Variants in BMERB1 observed in about 807,000 individuals in gnomAD.
BMERB1 encodes bMERB domain containing 1.
A neutral mutation model predicts 23.6 loss-of-function variants in BMERB1; 12 were observed. That is an observed-to-expected ratio of 0.51 (90% confidence interval 0.33 to 0.82). The LOEUF is 0.82. BMERB1 is among the 40% of genes least tolerant of loss of function. The pLI is 0.03. For missense variants in BMERB1, 247 were observed against 255.4 expected, an observed-to-expected ratio of 0.97 and a Z score of 0.22; for synonymous variants, 122 against 96.6, an observed-to-expected ratio of 1.26 and a Z score of -1.54.
At chr16:15,491,199 C>A (rs930571760) in intron 1 of BMERB1, among the ~76,000 whole-genome samples, 5 of 152,038 alleles carry the variant, frequency 3.3e-5, no homozygotes, top group African/African-American at 9.7e-5. Context: ...TCTTTTATTG[C>A]ATTTACTGCA....
rs117468268 is a variant in BMERB1 at position 15,487,961 on chromosome 16, A to G, written c.107-27344A>G. Among the ~76,000 whole-genome samples the G allele has an allele frequency of 4.0e-3, 614 of 152,132 alleles. 18 individuals are homozygous for G. In the East Asian group the frequency reaches 0.08, roughly 20 times the overall value. ...GCTTTTGGCCAGCTTCTTTACCGCAACCTGTTTTATCGGTCAGGTCTTTGT... is the reference window on the plus strand; with the variant it reads ...GCTTTTGGCCAGCTTCTTTACCGCAGCCTGTTTTATCGGTCAGGTCTTTGT... On this transcript the variant is annotated intron_variant, in intron 1 of 5. Coordinates refer to ENST00000300006, the MANE Select transcript of BMERB1 (RefSeq NM_033201.3).
At chr16:15,580,933 G>A (rs2030998285) in intron 3 of BMERB1, among the ~76,000 whole-genome samples, 1 of 149,704 alleles carries the variant, frequency 6.7e-6, no homozygotes, top group African/African-American at 2.5e-5. Context: ...GTCTCATTCT[G>A]TTGCCCAGGC....
At position 15,584,088 on chromosome 16, in the gene BMERB1, A is replaced by G. The variant is rs528648653; in HGVS notation, c.502+850A>G. On this transcript the variant is annotated intron_variant, in intron 5 of 5. Coordinates refer to ENST00000300006, the MANE Select transcript of BMERB1 (RefSeq NM_033201.3). ...ATCCTCAGAGCAAAGAGGGTTTTAT[A>G]TGAAATAAGTTTGAGAAATGCTGTT... 1.6e-4 allele frequency: 110 copies of G among 701,700 alleles called. No homozygotes were observed. In the East Asian group the frequency reaches 2.8e-3, roughly 18 times the overall value. The allele number at this position is 701,700 out of a possible 1,614,324, so 43.5% of individuals were successfully genotyped here.
intron 1 of BMERB1, among the ~76,000 whole-genome samples, chr16:15,495,632 C>T (rs1053808087): frequency 5.3e-5 from 8 of 152,226 alleles, no homozygotes; most frequent in African/African-American, 1.9e-4. Context: ...TCCCGAAGTG[C>T]TGGGATTACA....
At chr16:15,579,365 C>T (rs1420416425) in intron 3 of BMERB1, among the ~76,000 whole-genome samples, 1 of 152,172 alleles carries the variant, frequency 6.6e-6, no homozygotes, top group African/African-American at 2.4e-5. Context: ...GTGACACCAT[C>T]ATCCAATGCA....
At chr16:15,490,286 C>G (rs765478776) in intron 1 of BMERB1, among the ~76,000 whole-genome samples, 4 of 152,276 alleles carry the variant, frequency 2.6e-5, no homozygotes, top group Admixed American at 1.3e-4. Flanking sequence ...CAGGCCTGCA[C>G]TGGCATATGT....
At chr16:15,477,885 A>G (rs1261873368) in intron 1 of BMERB1, among the ~76,000 whole-genome samples, 1 of 151,972 alleles carries the variant, frequency 6.6e-6, no homozygotes, top group Non-Finnish European at 1.5e-5. Context: ...ACCTTTCAGA[A>G]TCTCCTTATG....
In BMERB1 at chr16:15,502,331, G is replaced by A. The variant is rs188565459; in HGVS notation, c.107-12974G>A. The A allele has an allele frequency of 1.0e-3, 1,559 of 1,551,250 alleles. 11 individuals carry two copies. The African/African-American group carries it at 0.018, about 18-fold the overall frequency. ...AGCCGCAAATTCTTCCATGTGGGGC[G>A]ACCTCACAGAGACGGGATGTATGGG... On this transcript the variant is annotated intron_variant, in intron 1 of 5. Transcript: ENST00000300006.
At chr16:15,556,151 C>T (rs948918104) in intron 2 of BMERB1, among the ~76,000 whole-genome samples, 1 of 151,100 alleles carries the variant, frequency 6.6e-6, no homozygotes, top group African/African-American at 2.4e-5. Flanking sequence ...GCACTACAGC[C>T]TGGACGACAA....
At chr16:15,441,017 C>A (rs1418669379) in intron 1 of BMERB1, among the ~76,000 whole-genome samples, 2 of 152,078 alleles carry the variant, frequency 1.3e-5, no homozygotes, top group Non-Finnish European at 2.9e-5. Flanking sequence ...AGGCCTTGTG[C>A]TAGAGGAAGA....
intron 1 of BMERB1, among the ~76,000 whole-genome samples, chr16:15,481,969 G>A (rs1022284756): frequency 2.0e-5 from 3 of 151,720 alleles, no homozygotes; most frequent in African/African-American, 7.3e-5. Context: ...GACCTCAAGT[G>A]ATCTGCCCAC....
chr16:15,461,864 G>A (rs1202273157), intron 1 of BMERB1, among the ~76,000 whole-genome samples: 1 of 152,144 alleles, frequency 6.6e-6, no homozygotes, highest in East Asian at 1.9e-4. Context: ...AGCCCAGGAG[G>A]TTAAGGCTAT....
intron 5 of BMERB1, among the ~76,000 whole-genome samples, chr16:15,584,459 G>C (rs1177628639): frequency 6.6e-6 from 1 of 151,690 alleles, no homozygotes; most frequent in Non-Finnish European, 1.5e-5. Flanking sequence ...TCGGGAAGCT[G>C]AGGCAGGAGA....
chr16:15,444,400 C>G (rs2050972638), intron 1 of BMERB1, among the ~76,000 whole-genome samples: 1 of 151,994 alleles, frequency 6.6e-6, no homozygotes, highest in Non-Finnish European at 1.5e-5. Flanking sequence ...TTCCGTCCTA[C>G]TGTGGTCCAT....
At chr16:15,475,453 C>T (rs749227902) in intron 1 of BMERB1, among the ~76,000 whole-genome samples, 4 of 152,182 alleles carry the variant, frequency 2.6e-5, no homozygotes, top group Admixed American at 6.5e-5. Context: ...CTCACAGTTA[C>T]AGTTTATTAC....
intron 3 of BMERB1, among the ~76,000 whole-genome samples, chr16:15,573,823 C>G (rs1434041568): frequency 6.7e-6 from 1 of 148,990 alleles, no homozygotes; most frequent in Non-Finnish European, 1.5e-5. Flanking sequence ...TTCGGCATAG[C>G]TGGGGAAGCC....
At chr16:15,534,597 T>C (rs889759978) in intron 2 of BMERB1, among the ~76,000 whole-genome samples, 2 of 152,252 alleles carry the variant, frequency 1.3e-5, no homozygotes, top group African/African-American at 2.4e-5. Flanking sequence ...GTGGTATCCA[T>C]ATGGCCATAA....
At chr16:15,570,260 C>T (rs9926521) in intron 3 of BMERB1, among the ~76,000 whole-genome samples, 13,451 of 152,178 alleles carry the variant, frequency 0.088, 1,962 homozygotes, top group African/African-American at 0.3. Flanking sequence ...AACGGTTCTC[C>T]ACTCTCAAGG....
At chr16:15,559,565 GTCTAGAAGAGTTTATGCACAGA>G (rs1332155459) in intron 2 of BMERB1, among the ~76,000 whole-genome samples, 15 of 152,234 alleles carry the variant, frequency 9.9e-5, no homozygotes, top group Admixed American at 9.8e-4. Flanking sequence ...TGCTGTGACG[GTCTAGAAGAGTTTATGCACAGA>G]AAGTGCATTT....
Sources: gnomAD v4.1 joint callset for allele counts (sites outside exome capture counted in the v4.1 genomes callset) on GRCh38, gnomAD v4.1.1 for gene constraint, MANE v1.5 for transcripts, NCBI Gene and HGNC (gene_info 2026-07-23, HGNC 2026-07-21) for gene names.